RHBDD1: variants seen among roughly 807,000 people sequenced by gnomAD.
RHBDD1 encodes rhomboid domain containing 1.
A neutral mutation model predicts 36.3 loss-of-function variants in RHBDD1; 38 were observed. The observed-to-expected ratio is 1.05, with a 90% CI of 0.81 to 1.37. The LOEUF (loss-of-function observed/expected upper bound fraction) is 1.37. Ranked by LOEUF, RHBDD1 falls within the 40% of genes most tolerant of loss-of-function variation. The pLI is 0.00. For synonymous variants in RHBDD1, 151 were observed against 136.5 expected, an observed-to-expected ratio of 1.11 and a Z score of -0.74; for missense variants, 393 against 377.6, an observed-to-expected ratio of 1.04 and a Z score of -0.34.
intron 8 of RHBDD1, among the ~76,000 whole-genome samples, chr2:226,938,686 C>G (rs997964628): frequency 6.6e-6 from 1 of 151,618 alleles, no homozygotes; most frequent in Non-Finnish European, 1.5e-5. Flanking sequence ...TGAATTCTAT[C>G]AGAGATACAA....
intron 8 of RHBDD1, among the ~76,000 whole-genome samples, chr2:226,948,330 C>T (rs1245827435): frequency 2.0e-5 from 3 of 147,612 alleles, no homozygotes; most frequent in Admixed American, 1.4e-4. Context: ...AAAAACCAAA[C>T]ACCGCATATT....
At position 226,979,061 on chromosome 2, in the gene RHBDD1, G is replaced by A. The variant is rs376373400; in HGVS notation, c.857-16370G>A. Among the ~76,000 whole-genome samples, 149 of 152,254 alleles carry A rather than the reference G, an allele frequency of 9.8e-4. 1 individual carries two copies. Among genetic ancestry groups the A allele is most frequent in the African/African-American group, 3.5e-3 (144 of 41,544 alleles). On this transcript the variant is annotated intron_variant, in intron 8 of 8. Coordinates refer to ENST00000392062, the MANE Select transcript of RHBDD1 (RefSeq NM_001167608.3). ...CAAAGTCCTATGATAGGCCATCTGC[G>A]GGCTGGGGAAAGAAAGAAGCTATTC...
At chr2:226,961,224 A>T (rs1172489504) in intron 8 of RHBDD1, among the ~76,000 whole-genome samples, 2 of 151,910 alleles carry the variant, frequency 1.3e-5, no homozygotes, top group Non-Finnish European at 2.9e-5. Context: ...GTCATGAGGG[A>T]TTATGGGTAT....
rs1037278760 is a variant in RHBDD1 at position 226,996,775 on chromosome 2, G to T, written c.*1253G>T. 6.6e-6 allele frequency: 1 copy of T among 152,192 alleles called. No homozygotes were observed. Among genetic ancestry groups the T allele is most frequent in the African/African-American group, 2.4e-5 (1 of 41,454 alleles). The allele number at this position is 152,192 out of a possible 1,614,324, so 9.4% of individuals were successfully genotyped here. A position where few individuals can be genotyped will look rare whatever the true frequency, so the allele number is the denominator to read the frequency against. On this transcript the variant is annotated 3_prime_UTR_variant, in exon 9 of 9. Transcript: ENST00000392062. Reference sequence around the variant, plus strand: ...ATAATTTTATATTACTGTCTTGGAAGATGTGTTTATGTGTGTGTGTTACTT... The same window carrying T: ...ATAATTTTATATTACTGTCTTGGAATATGTGTTTATGTGTGTGTGTTACTT...
chr2:226,924,515 C>T (rs925971170), intron 8 of RHBDD1, among the ~76,000 whole-genome samples: 2 of 152,164 alleles, frequency 1.3e-5, no homozygotes, highest in Non-Finnish European at 2.9e-5. Flanking sequence ...TTGGCTGTCC[C>T]GGCTGATGTC....
chr2:226,825,373 C>T, the RHBDD1 span, among the ~76,000 whole-genome samples: 4 of 151,974 alleles, frequency 2.6e-5, no homozygotes, highest in African/African-American at 4.8e-5. Context: ...TTGAAGGAAA[C>T]AAGAACTCTC....
chr2:226,917,457 G>A (rs570891730), intron 8 of RHBDD1, among the ~76,000 whole-genome samples: 3 of 151,896 alleles, frequency 2.0e-5, no homozygotes, highest in East Asian at 1.9e-4. Context: ...TATAAGACTC[G>A]CTTGGTGAGA....
chr2:226,933,121 C>T (rs908082403), intron 8 of RHBDD1, among the ~76,000 whole-genome samples: 2 of 152,010 alleles, frequency 1.3e-5, no homozygotes, highest in Admixed American at 6.6e-5. Context: ...CTCACTATCA[C>T]GAGAACAGCA....
At chr2:226,984,510 C>A (rs1180183811) in intron 8 of RHBDD1, among the ~76,000 whole-genome samples, 5 of 152,206 alleles carry the variant, frequency 3.3e-5, no homozygotes, top group Non-Finnish European at 5.9e-5. Context: ...CCAAAGGCCC[C>A]ACCTCCACAT....
At chr2:226,889,664 A>G (rs1301275502) in intron 5 of RHBDD1, among the ~76,000 whole-genome samples, 1 of 152,204 alleles carries the variant, frequency 6.6e-6, no homozygotes, top group Non-Finnish European at 1.5e-5. Context: ...TATGGCTTCT[A>G]GTCAGACTTT....
chr2:226,987,731 G>T (rs767880784), intron 8 of RHBDD1, among the ~76,000 whole-genome samples: 2 of 152,208 alleles, frequency 1.3e-5, no homozygotes, highest in African/African-American at 2.4e-5. Flanking sequence ...CCCACATCTG[G>T]TTGAAGTGAA....
intron 8 of RHBDD1, among the ~76,000 whole-genome samples, chr2:226,948,960 ATG>A (rs1435521963): frequency 1.3e-5 from 2 of 152,234 alleles, no homozygotes; most frequent in Non-Finnish European, 2.9e-5. Flanking sequence ...ACAAAAATCA[ATG>A]TGCAAAAATC....
chr2:226,947,087 G>A (rs545736536), intron 8 of RHBDD1, among the ~76,000 whole-genome samples: 92 of 152,182 alleles, frequency 6.0e-4, no homozygotes, highest in African/African-American at 2.2e-3. Context: ...CTTTTGCTGT[G>A]CAGAAGCTCT....
chr2:226,876,425 A>G (rs940180294), intron 5 of RHBDD1, among the ~76,000 whole-genome samples: 1 of 152,220 alleles, frequency 6.6e-6, no homozygotes, highest in Non-Finnish European at 1.5e-5. Flanking sequence ...TGTATTGGGA[A>G]CTTCCTACAT....
At chr2:226,981,492 G>A (rs1218959692) in intron 8 of RHBDD1, among the ~76,000 whole-genome samples, 1 of 150,502 alleles carries the variant, frequency 6.6e-6, no homozygotes. Context: ...GCCTCTGTAG[G>A]TTAGCACACA....
chr2:226,847,840 C>T (rs1489552766), intron 3 of RHBDD1, among the ~76,000 whole-genome samples: 2 of 152,176 alleles, frequency 1.3e-5, no homozygotes, highest in African/African-American at 4.8e-5. Context: ...CAGTTTTCGC[C>T]TCTCTGTGAA....
chr2:226,937,813 G>A (rs922555715), intron 8 of RHBDD1, among the ~76,000 whole-genome samples: 1 of 152,138 alleles, frequency 6.6e-6, no homozygotes, highest in Non-Finnish European at 1.5e-5. Flanking sequence ...TGGTGTATAC[G>A]TACCACATTT....
At chr2:226,878,112 C>T (rs1373510970) in intron 5 of RHBDD1, among the ~76,000 whole-genome samples, 1 of 152,138 alleles carries the variant, frequency 6.6e-6, no homozygotes, top group Non-Finnish European at 1.5e-5. Flanking sequence ...TCTGATGCTA[C>T]CTCTCTAGTC....
intron 5 of RHBDD1, among the ~76,000 whole-genome samples, chr2:226,879,170 A>G (rs537420380): frequency 1.3e-5 from 2 of 152,154 alleles, no homozygotes; most frequent in African/African-American, 2.4e-5. Flanking sequence ...ATGTTTGTAT[A>G]TGTGCTGGGT....
Sources: allele counts gnomAD v4.1 joint callset (sites outside exome capture counted in the v4.1 genomes callset), GRCh38; gene constraint gnomAD v4.1.1; transcripts MANE v1.5; gene names NCBI Gene and HGNC (gene_info 2026-07-23, HGNC 2026-07-21).